TTC23: variants seen among roughly 807,000 people sequenced by gnomAD.
TTC23 encodes tetratricopeptide repeat protein 23.
TTC23 carries 58 observed loss-of-function variants against 55.1 expected under a neutral mutation model. That is an observed-to-expected ratio of 1.05 (90% CI 0.85 to 1.31). The LOEUF (loss-of-function observed/expected upper bound fraction) is 1.31, where lower values mean the gene tolerates loss of function less well. TTC23 is among the 50% of genes most tolerant of loss of function. The probability of loss-of-function intolerance (pLI) is 0.00; values close to 1 mark genes in which losing one functional copy is unlikely to be tolerated. For missense variants in TTC23, 516 were observed against 534.4 expected (o/e 0.97, Z 0.34); for synonymous variants, 203 against 199.9 (o/e 1.02, Z -0.13).
chr15:99,139,138 TG>T, intron 13 of TTC23, 178 bp downstream of exon 13: 1 of 769,708 alleles, frequency 1.3e-6, no homozygotes, highest in Non-Finnish European at 2.2e-6. Flanking sequence ...TTTAAATACC[TG>T]GGCAAGGAAG....
At chr15:99,235,777 T>G (rs1482732811) in intron 3 of TTC23, among the ~76,000 whole-genome samples, 1 of 152,220 alleles carries the variant, frequency 6.6e-6, no homozygotes, top group East Asian at 1.9e-4. Flanking sequence ...CTTGCAAAAC[T>G]GACACTCTGT....
chr15:99,237,085 G>A (rs757227654), intron 3 of TTC23, among the ~76,000 whole-genome samples: 2 of 151,596 alleles, frequency 1.3e-5, no homozygotes, highest in East Asian at 1.9e-4. Flanking sequence ...GGGTTCAAGC[G>A]ATTCTCCTGC....
chr15:99,211,588 A>T (rs567098093), intron 8 of TTC23, among the ~76,000 whole-genome samples: 22 of 151,956 alleles, frequency 1.4e-4, no homozygotes, highest in Non-Finnish European at 2.9e-4. Flanking sequence ...GGGATGAAAC[A>T]GCAGAAAGGA....
intron 8 of TTC23, among the ~76,000 whole-genome samples, chr15:99,216,967 C>G (rs1306180202): frequency 1.3e-5 from 2 of 152,274 alleles, no homozygotes; most frequent in African/African-American, 2.4e-5. Flanking sequence ...CAGCAGAGAG[C>G]TGGGGACAAG....
rs914261366 is a variant in TTC23 at position 99,245,529 on chromosome 15, A to T, written c.-430-19T>A. The T allele has an allele frequency of 1.4e-5, 2 of 142,400 alleles. No individual in the cohort carries two copies. Among genetic ancestry groups the T allele is most frequent in the Non-Finnish European group, 3.1e-5 (2 of 64,856 alleles). The allele number at this position is 142,400 out of a possible 1,614,324, so 8.8% of individuals were successfully genotyped here. Reference sequence around the variant, plus strand: ...ACTCCATCTCAAAAAAAAAAAAAAAAGAATTAATATATAGAAAAATGGGAT... The same window carrying T: ...ACTCCATCTCAAAAAAAAAAAAAAATGAATTAATATATAGAAAAATGGGAT... On this transcript the variant is annotated intron_variant, in intron 1 of 13. Coordinates refer to ENST00000394132, the MANE Select transcript of TTC23 (RefSeq NM_001288615.3).
Position 99,179,609 on chromosome 15 carries a change from A to C in TTC23, c.760-4454T>G, listed in dbSNP as rs114050382. On this transcript the variant is annotated intron_variant, in intron 9 of 13. Coordinates refer to ENST00000394132, the MANE Select transcript of TTC23 (RefSeq NM_001288615.3). ...CCACTGAGTGAACGAAGCAACTTGT[A>C]AAAGGATGCAAACACCATGGCACCA... Among the ~76,000 whole-genome samples, 1,472 of 152,370 alleles carry C rather than the reference A, an allele frequency of 9.7e-3. 35 individuals are homozygous for C. The highest frequency in any genetic ancestry group is 0.034 in the African/African-American group (1,397 of 41,574).
In TTC23 at chr15:99,138,140, A is replaced by C; in HGVS notation, c.1227-13T>G. On this transcript the variant is annotated splice_polypyrimidine_tract_variant and intron_variant, in intron 13 of 13. Coordinates refer to ENST00000394132, the MANE Select transcript of TTC23 (RefSeq NM_001288615.3). ...AACCTTGGGGGCCCTGCAGACAAGC[A>C]GAGGGTGGGGTGAGTGTGGTGCCCC... is the stretch of plus-strand genomic sequence containing the variant. 1 of 1,611,894 alleles carries C rather than the reference A, an allele frequency of 6.2e-7. No individual in the cohort carries two copies. The highest frequency in any genetic ancestry group is 1.1e-5 in the South Asian group (1 of 90,934).
chr15:99,199,767 A>C (rs1011357983), intron 9 of TTC23, 152 bp downstream of exon 9: 3 of 673,644 alleles, frequency 4.5e-6, no homozygotes, highest in Non-Finnish European at 7.0e-6. Flanking sequence ...ACCTGATAAG[A>C]ACACCTTTGT....
intron 8 of TTC23, among the ~76,000 whole-genome samples, chr15:99,211,987 C>T (rs938390389): frequency 3.9e-5 from 6 of 152,178 alleles, no homozygotes; most frequent in South Asian, 2.1e-4. Context: ...GCCATCATGC[C>T]GGCCCAGAGC....
At chr15:99,180,548 G>C (rs1053395105) in intron 9 of TTC23, among the ~76,000 whole-genome samples, 11 of 152,158 alleles carry the variant, frequency 7.2e-5, no homozygotes, top group African/African-American at 2.7e-4. Context: ...TTGGTAAAAT[G>C]TGTAATATTT....
chr15:99,240,171 AG>A (rs2079650463), intron 3 of TTC23, among the ~76,000 whole-genome samples: 1 of 152,234 alleles, frequency 6.6e-6, no homozygotes, highest in South Asian at 2.1e-4. Context: ...ATTTAGTGGG[AG>A]GCAGAAAAGA....
At chr15:99,202,835 C>T (rs902756423) in intron 8 of TTC23, among the ~76,000 whole-genome samples, 1 of 152,160 alleles carries the variant, frequency 6.6e-6, no homozygotes, top group Non-Finnish European at 1.5e-5. Context: ...GACAAAGCTT[C>T]GACAAAAACA....
intron 12 of TTC23, chr15:99,144,322 G>A (rs2068581543): frequency 6.6e-6 from 1 of 152,182 alleles, no homozygotes; most frequent in Admixed American, 6.5e-5. Flanking sequence ...CTCAGTGGCA[G>A]CTATGGGATC....
At chr15:99,150,742 G>T (rs1157108230) in intron 12 of TTC23, among the ~76,000 whole-genome samples, 2 of 152,212 alleles carry the variant, frequency 1.3e-5, no homozygotes, top group African/African-American at 4.8e-5. Context: ...AAAAGCAGGT[G>T]GAGGGCTGCA....
chr15:99,229,133 T>G (rs987886801), intron 4 of TTC23, among the ~76,000 whole-genome samples: 12 of 147,420 alleles, frequency 8.1e-5, no homozygotes, highest in African/African-American at 3.0e-4. Flanking sequence ...ACATATGTAT[T>G]TGCATGTACA....
chr15:99,190,113 G>A (rs939418125), intron 9 of TTC23, among the ~76,000 whole-genome samples: 1 of 152,030 alleles, frequency 6.6e-6, no homozygotes, highest in Non-Finnish European at 1.5e-5. Flanking sequence ...CTGGGAGGGC[G>A]AGGCTGCAGT....
intron 10 of TTC23, among the ~76,000 whole-genome samples, chr15:99,173,704 G>T (rs1227433616): frequency 7.9e-5 from 12 of 152,204 alleles, no homozygotes; most frequent in Admixed American, 5.2e-4. Flanking sequence ...ATGGCTGCCA[G>T]GGCTGGAGCT....
At chr15:99,228,879 G>T in intron 4 of TTC23, 147 bp from the exon 5 acceptor site, 3 of 595,896 alleles carry the variant, frequency 5.0e-6, no homozygotes, top group Non-Finnish European at 5.5e-6. Context: ...CTGACCTGCT[G>T]ATTTCTACTT....
rs900757463 is a variant in TTC23 at position 99,194,938 on chromosome 15, C to CCAAAA, written c.759+4976_759+4980dup. Among the ~76,000 whole-genome samples the CCAAAA allele has an allele frequency of 4.6e-5, 7 of 152,168 alleles. No homozygotes were observed. In the East Asian group the frequency reaches 1.2e-3, roughly 25 times the overall value. On this transcript the variant is annotated intron_variant, in intron 9 of 13. Transcript: ENST00000394132. ...ACAAGAGCAAAACTCCATCTCAAAA[C>CCAAAA]CAAAACAAAACAAAACAACACTGCA...
Sources: allele counts gnomAD v4.1 joint callset (sites outside exome capture counted in the v4.1 genomes callset), GRCh38; gene constraint gnomAD v4.1.1; transcripts MANE v1.5; gene names NCBI Gene and HGNC (gene_info 2026-07-23, HGNC 2026-07-21).